Variants in MTMR3 observed in about 807,000 individuals in gnomAD.
The protein encoded by MTMR3 is phosphatidylinositol-3,5-bisphosphate 3-phosphatase MTMR3.
Under a neutral mutation model 132.4 loss-of-function variants are expected in MTMR3, and 32 were observed. That is an observed-to-expected ratio of 0.24 (90% confidence interval 0.18 to 0.32). The LOEUF is 0.32. Ranked by LOEUF, MTMR3 falls within the 10% of genes least tolerant of loss-of-function variation. The pLI is 1.00. For missense variants in MTMR3, 1,216 were observed against 1,489.6 expected (o/e 0.82, Z 3.02); for synonymous variants, 556 against 550.3 (o/e 1.01, Z -0.14).
chr22:29,895,565 G>A (rs1333746126), intron 1 of MTMR3, among the ~76,000 whole-genome samples: 1 of 152,160 alleles, frequency 6.6e-6, no homozygotes, highest in Non-Finnish European at 1.5e-5. Flanking sequence ...GCAAAACTTC[G>A]TAGCCCAATT....
At chr22:29,957,749 C>T (rs560422963) in intron 2 of MTMR3, among the ~76,000 whole-genome samples, 1 of 152,228 alleles carries the variant, frequency 6.6e-6, no homozygotes, top group East Asian at 1.9e-4. Context: ...AATAAGACCT[C>T]TTATTACTAG....
intron 2 of MTMR3, among the ~76,000 whole-genome samples, chr22:29,957,991 CTA>C (rs35229756): frequency 8.0e-5 from 12 of 150,198 alleles, no homozygotes; most frequent in Non-Finnish European, 1.2e-4. Flanking sequence ...AGAGGAAAAA[CTA>C]TATATATATA....
intron 1 of MTMR3, among the ~76,000 whole-genome samples, chr22:29,888,741 G>A (rs1230911895): frequency 1.3e-5 from 2 of 148,820 alleles, no homozygotes; most frequent in Non-Finnish European, 3.0e-5. Flanking sequence ...ACCTGGGGTC[G>A]AAATCTAATT....
intron 1 of MTMR3, among the ~76,000 whole-genome samples, chr22:29,912,545 G>A (rs1487405410): frequency 6.6e-6 from 1 of 152,198 alleles, no homozygotes; most frequent in African/African-American, 2.4e-5. Context: ...CAAAGTGCTA[G>A]GAGGATTGCA....
chr22:29,976,636 G>T (rs1024627910), intron 3 of MTMR3, among the ~76,000 whole-genome samples: 1 of 152,168 alleles, frequency 6.6e-6, no homozygotes, highest in Non-Finnish European at 1.5e-5. Context: ...GGTACCAGCA[G>T]TTTTACCTAC....
chr22:29,921,359 G>A (rs1268726979), intron 1 of MTMR3, among the ~76,000 whole-genome samples: 1 of 152,118 alleles, frequency 6.6e-6, no homozygotes, highest in Non-Finnish European at 1.5e-5. Context: ...GCCATATTAG[G>A]GATGTGCCCT....
intron 2 of MTMR3, among the ~76,000 whole-genome samples, chr22:29,963,167 G>A (rs974024757): frequency 4.6e-5 from 7 of 151,740 alleles, no homozygotes; most frequent in South Asian, 2.1e-4. Flanking sequence ...GGCTGGTCCC[G>A]AACTCCTGGC....
chr22:29,984,421 C>T (rs745720308), intron 5 of MTMR3: 14 of 152,218 alleles, frequency 9.2e-5, no homozygotes, highest in Admixed American at 6.5e-4. Context: ...GTACTGTGGA[C>T]ATAACCTGTG....
chr22:29,992,549 T>G (rs1440483884), intron 7 of MTMR3: 2 of 152,244 alleles, frequency 1.3e-5, no homozygotes, highest in African/African-American at 4.8e-5. Flanking sequence ...GTAAACTTTA[T>G]GTGGTCATAA....
intron 1 of MTMR3, among the ~76,000 whole-genome samples, chr22:29,941,074 C>A (rs904300299): frequency 6.7e-6 from 1 of 149,962 alleles, no homozygotes; most frequent in Admixed American, 6.6e-5. Flanking sequence ...TCTAGTTAGT[C>A]TTTCTCTGCC....
chr22:29,958,126 A>G (rs1310971261), intron 2 of MTMR3, among the ~76,000 whole-genome samples: 1 of 152,134 alleles, frequency 6.6e-6, no homozygotes, highest in Non-Finnish European at 1.5e-5. Context: ...TGAGAAAAAC[A>G]AGTTCTGAAA....
intron 1 of MTMR3, among the ~76,000 whole-genome samples, chr22:29,920,822 A>G (rs2145768624): frequency 6.6e-6 from 1 of 152,284 alleles, no homozygotes; most frequent in African/African-American, 2.4e-5. Flanking sequence ...TGCTTCTCCT[A>G]ATTTTCTTGT....
intron 8 of MTMR3, 72 bp from the exon 9 acceptor site, chr22:30,002,808 T>C (rs763809547): frequency 2.6e-6 from 3 of 1,154,490 alleles, no homozygotes; most frequent in Non-Finnish European, 3.8e-6. Flanking sequence ...ACCTAGTGTC[T>C]CTCTCTCTCT....
chr22:29,946,423 T>C (rs1236377331), intron 1 of MTMR3, among the ~76,000 whole-genome samples: 1 of 152,136 alleles, frequency 6.6e-6, no homozygotes, highest in Non-Finnish European at 1.5e-5. Flanking sequence ...TCTCTGCTAG[T>C]AGCTGAGGGC....
rs757359918 is a variant in MTMR3 at position 30,019,596 on chromosome 22, G to A, written c.1937G>A (p.Arg646His). ...AACGAGAAGTGGCAGGAGCACCGGC[G>A]CTCACTAGAGCTGAGCAGCCTGGCT... ...SLNEKWQEHR[R>H]SLELSSLAGP... Residue 646 changes from arginine (R) to histidine (H), a missense_variant, in exon 17 of 20, where the codon CGC (arginine) becomes CAC (histidine). By Grantham distance (29) the Arg-to-His change is conservative. Coordinates refer to ENST00000401950, the MANE Select transcript of MTMR3 (RefSeq NM_021090.4). The A allele has an allele frequency of 4.3e-5, 69 of 1,613,862 alleles. No individual in the cohort carries two copies. The highest frequency in any genetic ancestry group is 5.3e-5 in the Non-Finnish European group (62 of 1,180,050).
intron 9 of MTMR3, chr22:30,006,404 G>A (rs750252901): frequency 3.9e-5 from 6 of 152,194 alleles, no homozygotes; most frequent in Non-Finnish European, 8.8e-5. Context: ...TTCACTGTGG[G>A]CCAGGTAAAT....
At chr22:29,917,715 A>G (rs1173125082) in intron 1 of MTMR3, among the ~76,000 whole-genome samples, 1 of 152,256 alleles carries the variant, frequency 6.6e-6, no homozygotes, top group African/African-American at 2.4e-5. Context: ...AATGAGGACA[A>G]ATAGTTTTTC....
intron 1 of MTMR3, among the ~76,000 whole-genome samples, chr22:29,954,059 CTTTTTTTTTTTT>C (rs59781649): frequency 3.1e-4 from 25 of 79,434 alleles, no homozygotes; most frequent in East Asian, 2.1e-3. Context: ...TCAAATGAGT[CTTTTTTTTTTTT>C]TTTTTTTTTT....
intron 1 of MTMR3, among the ~76,000 whole-genome samples, chr22:29,939,484 A>G (rs1009861743): frequency 6.6e-6 from 1 of 152,176 alleles, no homozygotes; most frequent in Non-Finnish European, 1.5e-5. Flanking sequence ...CTTTTCAGAC[A>G]TAATCATTGA....
Sources: gnomAD v4.1 joint callset for allele counts (sites outside exome capture counted in the v4.1 genomes callset) on GRCh38, gnomAD v4.1.1 for gene constraint, MANE v1.5 for transcripts, NCBI Gene and HGNC (gene_info 2026-07-23, HGNC 2026-07-21) for gene names.